Variants in DAPL1 observed in about 807,000 individuals in gnomAD.
DAPL1 encodes the protein death associated protein like 1, also known as death-associated protein-like 1.
Under a neutral mutation model 12.9 loss-of-function variants are expected in DAPL1, and 17 were observed. The observed-to-expected ratio is 1.32, with a 90% confidence interval of 0.90 to 1.98. DAPL1 has a LOEUF of 1.98. Ranked by LOEUF, DAPL1 falls within the 30% of genes most tolerant of loss-of-function variation. The probability of loss-of-function intolerance (pLI) is 0.00; values close to 1 mark genes in which losing one functional copy is unlikely to be tolerated. For synonymous variants in DAPL1, 51 were observed against 42.0 expected (o/e 1.21, Z -0.82); for missense variants, 157 against 125.7 (o/e 1.25, Z -1.19).
chr2:158,801,654 A>G (rs1429576097), intron 1 of DAPL1, among the ~76,000 whole-genome samples: 1 of 152,198 alleles, frequency 6.6e-6, no homozygotes, highest in Non-Finnish European at 1.5e-5. Context: ...ACAAAAATCA[A>G]TATTTTTTAA....
At chr2:158,810,352 C>T (rs1036368127) in intron 3 of DAPL1, among the ~76,000 whole-genome samples, 1 of 152,168 alleles carries the variant, frequency 6.6e-6, no homozygotes, top group African/African-American at 2.4e-5. Context: ...ACATCCTCTG[C>T]ATTTATTAAC....
At chr2:158,800,398 C>T (rs758983044) in intron 1 of DAPL1, among the ~76,000 whole-genome samples, 3 of 152,118 alleles carry the variant, frequency 2.0e-5, no homozygotes, top group East Asian at 1.9e-4. Context: ...CTTTGGTCTT[C>T]GTTCTCACCT....
At chr2:158,815,227 G>T (rs1336060147) in intron 3 of DAPL1, among the ~76,000 whole-genome samples, 1 of 152,066 alleles carries the variant, frequency 6.6e-6, no homozygotes, top group Non-Finnish European at 1.5e-5. Flanking sequence ...CATCATTTTT[G>T]ACCTGAAAAA....
chr2:158,814,314 T>C (rs1044064205), intron 3 of DAPL1, among the ~76,000 whole-genome samples: 1 of 152,254 alleles, frequency 6.6e-6, no homozygotes, highest in African/African-American at 2.4e-5. Context: ...TCAGGTCTTT[T>C]TTAGACTCTA....
At chr2:158,798,843 A>G (rs1264509214) in intron 1 of DAPL1, among the ~76,000 whole-genome samples, 2 of 152,118 alleles carry the variant, frequency 1.3e-5, no homozygotes, top group Admixed American at 6.5e-5. Flanking sequence ...TTAAACCTTC[A>G]AATAGATGTT....
intron 3 of DAPL1, among the ~76,000 whole-genome samples, chr2:158,808,367 G>A (rs934487222): frequency 3.9e-5 from 6 of 152,202 alleles, no homozygotes; most frequent in African/African-American, 1.4e-4. Flanking sequence ...GTAAGGAAGA[G>A]TGCACAGCTT....
At chr2:158,812,606 C>T (rs1408513408) in intron 3 of DAPL1, among the ~76,000 whole-genome samples, 1 of 152,010 alleles carries the variant, frequency 6.6e-6, no homozygotes, top group African/African-American at 2.4e-5. Context: ...CCAGCCTGGG[C>T]AACATAGAAA....
At chr2:158,800,692 T>G (rs188176151) in intron 1 of DAPL1, among the ~76,000 whole-genome samples, 1 of 152,280 alleles carries the variant, frequency 6.6e-6, no homozygotes, top group East Asian at 1.9e-4. Flanking sequence ...CCCTAAGTTC[T>G]CTCGCTTTGC....
chr2:158,810,397 T>G (rs1160538239), intron 3 of DAPL1, among the ~76,000 whole-genome samples: 1 of 152,124 alleles, frequency 6.6e-6, no homozygotes, highest in African/African-American at 2.4e-5. Context: ...TCATGTCTAG[T>G]CCCAAGAACC....
Position 158,815,824 on chromosome 2 carries a change from C to T in DAPL1, c.*3C>T. The T allele has an allele frequency of 6.2e-7, 1 of 1,602,888 alleles. No homozygotes were observed. Among genetic ancestry groups the T allele is most frequent in the East Asian group, 2.2e-5 (1 of 44,814 alleles). ...TTCAGCAGCCTCGAAAATGTTAAGC[C>T]TGGATTTAAAACACAGCCGTCTGGC... On this transcript the variant is annotated 3_prime_UTR_variant, in exon 4 of 4. Coordinates refer to ENST00000309950, the MANE Select transcript of DAPL1 (RefSeq NM_001017920.3).
chr2:158,803,407 G>C (rs1273514764), intron 1 of DAPL1, among the ~76,000 whole-genome samples: 1 of 152,190 alleles, frequency 6.6e-6, no homozygotes, highest in Non-Finnish European at 1.5e-5. Flanking sequence ...CACAGTTTTA[G>C]AAAATCGCCA....
chr2:158,811,441 C>T (rs1028007958), intron 3 of DAPL1, among the ~76,000 whole-genome samples: 2 of 152,188 alleles, frequency 1.3e-5, no homozygotes, highest in Non-Finnish European at 2.9e-5. Context: ...GCTAATACTA[C>T]CCAACTTCAG....
At chr2:158,814,214 C>T (rs1248025728) in intron 3 of DAPL1, among the ~76,000 whole-genome samples, 3 of 151,912 alleles carry the variant, frequency 2.0e-5, no homozygotes, top group Non-Finnish European at 4.4e-5. Context: ...GAAAGAAAAC[C>T]AAAGCAAAAC....
chr2:158,801,183 G>C (rs536258522), intron 1 of DAPL1, among the ~76,000 whole-genome samples: 14 of 152,248 alleles, frequency 9.2e-5, no homozygotes, highest in South Asian at 4.1e-4. Context: ...TGCTTCTATA[G>C]TTGGTAATAA....
At chr2:158,800,630 G>A (rs985966701) in intron 1 of DAPL1, among the ~76,000 whole-genome samples, 5 of 152,126 alleles carry the variant, frequency 3.3e-5, no homozygotes, top group Admixed American at 6.5e-5. Context: ...TTCCTCACCA[G>A]TAAACTGCTC....
intron 2 of DAPL1, among the ~76,000 whole-genome samples, chr2:158,806,572 C>T (rs538654377): frequency 6.6e-6 from 1 of 152,150 alleles, no homozygotes; most frequent in South Asian, 2.1e-4. Context: ...CAGTGGCTCA[C>T]ACCTGTAATC....
Position 158,801,825 on chromosome 2 carries a change from A to G in DAPL1, c.59-2457A>G, listed in dbSNP as rs866010148. ...GGCAAAAACATTATCAATAAAGTCA[A>G]AAAGCAGTAACTGGTACAATATAAT... On this transcript the variant is annotated intron_variant, in intron 1 of 3. Transcript: ENST00000309950. 2.6e-5 allele frequency among the ~76,000 whole-genome samples: 4 copies of G among 152,338 alleles called. No homozygotes were observed. The Middle Eastern group carries it at 0.014, about 518-fold the overall frequency.
chr2:158,795,394 C>T lies in DAPL1; in HGVS notation c.22C>T (p.Leu8=), dbSNP rs192531216. The change falls in exon 1 of 4, where the codon CTG becomes TTG. Residue 8 remains leucine, a synonymous_variant. Coordinates refer to ENST00000309950, the MANE Select transcript of DAPL1 (RefSeq NM_001017920.3). Reference sequence around the variant, plus strand: ...CGCTATGGCAAATGAAGTGCAAGACCTGCTCTCCCCTCGGAAAGGGGGACA... The same window carrying T: ...CGCTATGGCAAATGAAGTGCAAGACTTGCTCTCCCCTCGGAAAGGGGGACA... The part of the protein sequence containing the change: MANEVQD[L]LSPRKGGHPP... 227 of 1,555,962 alleles carry T rather than the reference C, an allele frequency of 1.5e-4. 1 individual carries two copies. The East Asian group carries it at 5.1e-3, about 35-fold the overall frequency.
chr2:158,813,701 G>A (rs961708857), intron 3 of DAPL1, among the ~76,000 whole-genome samples: 14 of 151,606 alleles, frequency 9.2e-5, no homozygotes, highest in South Asian at 2.1e-4. Flanking sequence ...GACTACAGTC[G>A]CTCGCCACCA....
Sources: allele counts gnomAD v4.1 joint callset (sites outside exome capture counted in the v4.1 genomes callset), GRCh38; gene constraint gnomAD v4.1.1; transcripts MANE v1.5; gene names NCBI Gene and HGNC (gene_info 2026-07-23, HGNC 2026-07-21).